The following P2RX7 variants were observed in gnomAD, a reference collection of about 807,000 sequenced individuals.
The protein encoded by P2RX7 is P2X purinoceptor 7.
Under a neutral mutation model 71.6 loss-of-function variants are expected in P2RX7, and 62 were observed. The ratio of observed to expected loss-of-function variants is 0.87; its 90% CI spans 0.71 to 1.07. P2RX7 has a LOEUF of 1.07. Among genes scored for constraint, P2RX7 ranks in the 50% least tolerant of loss-of-function variants. The pLI is 0.00. For missense variants in P2RX7, 686 were observed against 748.5 expected, an observed-to-expected ratio of 0.92 and a Z score of 0.97; for synonymous variants, 299 against 283.3, an observed-to-expected ratio of 1.06 and a Z score of -0.56.
Position 121,136,023 on chromosome 12 carries a change from A to AAAAAAAAAAAAAAAAATATATAT in P2RX7, c.125+2929_125+2930insAAAAAAAAAAAAAAATATATATA. ...TGTCTCAAAAAAAAAAAAAAAAAAA[A>AAAAAAAAAAAAAAAAATATATAT]ATATATATATATATATATAGTATTT... is the stretch of plus-strand genomic sequence containing the variant. On this transcript the variant is annotated intron_variant, in intron 1 of 12. Coordinates refer to ENST00000328963, the MANE Select transcript of P2RX7 (RefSeq NM_002562.6). Among the ~76,000 whole-genome samples the AAAAAAAAAAAAAAAAATATATAT allele has an allele frequency of 9.2e-4, 14 of 15,258 alleles. 2 individuals are homozygous for AAAAAAAAAAAAAAAAATATATAT. The highest frequency in any genetic ancestry group is 2.2e-3 in the Non-Finnish European group (12 of 5,450). 10.0% of individuals were successfully genotyped at this position (15,258 alleles called of 152,430 possible).
Position 121,149,499 on chromosome 12 carries a change from A to G in P2RX7, c.126-5286A>G, listed in dbSNP as rs899310729. Among the ~76,000 whole-genome samples the G allele has an allele frequency of 2.6e-5, 4 of 152,218 alleles. No homozygotes were observed. The highest frequency in any genetic ancestry group is 9.6e-5 in the African/African-American group (4 of 41,456). On this transcript the variant is annotated intron_variant, in intron 1 of 12. Coordinates refer to ENST00000328963, the MANE Select transcript of P2RX7 (RefSeq NM_002562.6). This position sits in a 1 kb window ranked among gnomAD's most constrained non-coding sequence, Gnocchi z 4.7. ...GCAAAAAGTGAATGACAACCAAGCA[A>G]AAGAAGAAACCTCTTATAAAACCAT...
intron 5 of P2RX7, among the ~76,000 whole-genome samples, chr12:121,164,532 A>G (rs1317538222): frequency 2.6e-5 from 4 of 152,008 alleles, no homozygotes; most frequent in African/African-American, 7.3e-5. Context: ...TGTAATCCCA[A>G]CACTTTGGCA....
chr12:121,156,555 T>A (rs1878615105), intron 3 of P2RX7, among the ~76,000 whole-genome samples: 1 of 152,200 alleles, frequency 6.6e-6, no homozygotes, highest in Non-Finnish European at 1.5e-5. Flanking sequence ...TTCAGAGATG[T>A]TGTGACTTCC....
chr12:121,179,068 G>T (rs535565799), intron 11 of P2RX7, among the ~76,000 whole-genome samples: 1 of 152,114 alleles, frequency 6.6e-6, no homozygotes, highest in East Asian at 1.9e-4. Context: ...GGAGCTTAGG[G>T]TGGGGGAGTA....
chr12:121,162,863 T>C (rs1018954453), intron 5 of P2RX7, among the ~76,000 whole-genome samples: 4 of 151,186 alleles, frequency 2.6e-5, no homozygotes, highest in African/African-American at 7.3e-5. Context: ...GACTTGTCAG[T>C]GTCCATACTG....
chr12:121,181,979 G>A (rs1467416092), intron 12 of P2RX7, among the ~76,000 whole-genome samples: 1 of 151,362 alleles, frequency 6.6e-6, no homozygotes, highest in East Asian at 1.9e-4. Context: ...TGGGAGAATT[G>A]CTTGAACCTG....
Position 121,172,724 on chromosome 12 carries a change from A to G in P2RX7, c.882-2664A>G, listed in dbSNP as rs555689121. Among the ~76,000 whole-genome samples the G allele has an allele frequency of 9.2e-5, 14 of 152,368 alleles. No homozygotes were observed. In the East Asian group the frequency reaches 1.5e-3, roughly 17 times the overall value. Reference sequence around the variant, plus strand: ...TCTTGAAATAGTCACATGCAAAGAAATTGAATTCCCTCCAGTCAGAAAGAG... The same window carrying G: ...TCTTGAAATAGTCACATGCAAAGAAGTTGAATTCCCTCCAGTCAGAAAGAG... On this transcript the variant is annotated intron_variant, in intron 8 of 12. Transcript: ENST00000328963.
chr12:121,162,599 C>G, intron 5 of P2RX7, 79 bp downstream of exon 5: 2 of 1,535,974 alleles, frequency 1.3e-6, no homozygotes, highest in African/African-American at 1.4e-5. Flanking sequence ...TTGGGCCTTC[C>G]CCTCTCAGCA....
chr12:121,144,744 T>TA (rs1875767902), intron 1 of P2RX7, among the ~76,000 whole-genome samples: 1 of 151,936 alleles, frequency 6.6e-6, no homozygotes, highest in Non-Finnish European at 1.5e-5. Context: ...GGGGAGGTGA[T>TA]AGAGGCAGAG....
chr12:121,134,555 C>G (rs1259801274), intron 1 of P2RX7, among the ~76,000 whole-genome samples: 2 of 152,176 alleles, frequency 1.3e-5, no homozygotes, highest in African/African-American at 2.4e-5. Flanking sequence ...CCACTCCTCA[C>G]TAATTTTTGT....
intron 5 of P2RX7, among the ~76,000 whole-genome samples, chr12:121,163,346 A>G (rs934116309): frequency 7.8e-6 from 1 of 128,482 alleles, no homozygotes; most frequent in African/African-American, 3.0e-5. Flanking sequence ...ACACACACAC[A>G]CACACACACA....
chr12:121,139,394 T>C (rs943637990), intron 1 of P2RX7, among the ~76,000 whole-genome samples: 6 of 152,150 alleles, frequency 3.9e-5, no homozygotes, highest in Non-Finnish European at 8.8e-5. Flanking sequence ...CACAGAAGAC[T>C]AAGGAAGATT....
At chr12:121,146,016 G>A (rs1044066533) in intron 1 of P2RX7, among the ~76,000 whole-genome samples, 6 of 152,144 alleles carry the variant, frequency 3.9e-5, no homozygotes, top group Non-Finnish European at 5.9e-5. Context: ...GCAACCACAA[G>A]GAAAGCTCGT....
chr12:121,138,459 A>G (rs899584409), intron 1 of P2RX7, among the ~76,000 whole-genome samples: 1 of 152,252 alleles, frequency 6.6e-6, no homozygotes, highest in Admixed American at 6.5e-5. Context: ...GGCCAGGGCC[A>G]AGGTGTCATC....
intron 1 of P2RX7, among the ~76,000 whole-genome samples, chr12:121,136,896 G>A (rs978664156): frequency 6.6e-6 from 1 of 151,970 alleles, no homozygotes; most frequent in Non-Finnish European, 1.5e-5. Context: ...CAATCCACCC[G>A]CCTTGGCCTC....
intron 8 of P2RX7, among the ~76,000 whole-genome samples, chr12:121,172,952 CA>C (rs66512754): frequency 0.36 from 54,239 of 151,982 alleles, 10,014 homozygotes; most frequent in Non-Finnish European, 0.4. Flanking sequence ...TAAAAAGAAT[CA>C]TCAAAGTGTG....
intron 8 of P2RX7, among the ~76,000 whole-genome samples, chr12:121,172,726 T>C (rs1043647437): frequency 1.4e-4 from 22 of 152,186 alleles, no homozygotes; most frequent in African/African-American, 4.8e-4. Flanking sequence ...GCAAAGAAAT[T>C]GAATTCCCTC....
chr12:121,160,282 G>T (rs1879406945), intron 3 of P2RX7, among the ~76,000 whole-genome samples: 1 of 151,998 alleles, frequency 6.6e-6, no homozygotes, highest in South Asian at 2.1e-4. Context: ...CTAGTAGCTG[G>T]GATTACAGGC....
chr12:121,168,869 G>C (rs1003858216), intron 8 of P2RX7, among the ~76,000 whole-genome samples: 3 of 152,054 alleles, frequency 2.0e-5, no homozygotes, highest in Admixed American at 2.0e-4. Flanking sequence ...TGAATTCCAG[G>C]TTACTTCCTT....
Sources: allele counts gnomAD v4.1 joint callset (sites outside exome capture counted in the v4.1 genomes callset), GRCh38; gene constraint gnomAD v4.1.1; non-coding constraint Gnocchi (gnomAD v3.1); transcripts MANE v1.5; gene names NCBI Gene and HGNC (gene_info 2026-07-23, HGNC 2026-07-21).